Variants in MYO10 observed in about 807,000 individuals in gnomAD.
MYO10 encodes unconventional myosin-X.
A neutral mutation model predicts 257.3 loss-of-function variants in MYO10; 133 were observed. The ratio of observed to expected loss-of-function variants is 0.52; its 90% confidence interval spans 0.45 to 0.60. MYO10 has a LOEUF of 0.60. MYO10 is among the 20% of genes least tolerant of loss of function. The pLI is 0.00. For synonymous variants in MYO10, 1,104 were observed against 1,028.6 expected (o/e 1.07, Z -1.40); for missense variants, 2,399 against 2,635.7 (o/e 0.91, Z 1.97).
At chr5:16,856,531 CAG>C (rs1307838219) in intron 2 of MYO10, among the ~76,000 whole-genome samples, 4 of 150,120 alleles carry the variant, frequency 2.7e-5, no homozygotes, top group Non-Finnish European at 4.4e-5. Context: ...GCCTGGGTGA[CAG>C]AGTGAGACTG....
chr5:16,936,091 C>T lies in MYO10; in HGVS notation c.-283G>A, dbSNP rs1470259651. 2 of 456,966 alleles carry T rather than the reference C, an allele frequency of 4.4e-6. No individual in the cohort carries two copies. Among genetic ancestry groups the T allele is most frequent in the African/African-American group, 2.1e-5 (1 of 48,364 alleles). The allele number at this position is 456,966 out of a possible 1,614,324, so 28.3% of individuals were successfully genotyped here. ...CTCGCAAGCGGAGAACAGCTGGTGG[C>T]ACATTCTTCCCCCAGGCGGGGGAAG... On this transcript the variant is annotated 5_prime_UTR_variant, in exon 1 of 41. Transcript: ENST00000513610.
chr5:16,697,769 C>T (rs1220648714), intron 26 of MYO10, among the ~76,000 whole-genome samples: 1 of 144,988 alleles, frequency 6.9e-6, no homozygotes, highest in Admixed American at 6.8e-5. Flanking sequence ...AGAAAGACGG[C>T]AATAAAAAGG....
At chr5:16,852,050 CAAAAAAAAAAAAAA>C (rs70943811) in intron 2 of MYO10, among the ~76,000 whole-genome samples, 2 of 42,540 alleles carry the variant, frequency 4.7e-5, no homozygotes, top group Admixed American at 4.2e-4. Context: ...GACTCCATCT[CAAAAAAAAAAAAAA>C]AAAAAAAAAA....
chr5:16,702,071 G>A (rs1253115589), intron 24 of MYO10, among the ~76,000 whole-genome samples: 1 of 152,352 alleles, frequency 6.6e-6, no homozygotes, highest in East Asian at 1.9e-4. Flanking sequence ...CCCAATCCAA[G>A]ATGACTGGTG....
At chr5:16,827,693 G>A (rs1743043277) in intron 2 of MYO10, among the ~76,000 whole-genome samples, 1 of 152,168 alleles carries the variant, frequency 6.6e-6, no homozygotes, top group African/African-American at 2.4e-5. Flanking sequence ...AAACTAGTTT[G>A]TGAAATTAAG....
intron 19 of MYO10, among the ~76,000 whole-genome samples, chr5:16,741,545 A>T (rs1740018301): frequency 6.6e-6 from 1 of 152,216 alleles, no homozygotes; most frequent in Non-Finnish European, 1.5e-5. Flanking sequence ...ATAAAAGGTG[A>T]ATTCCATATG....
chr5:16,763,417 A>C, intron 14 of MYO10, 64 bp downstream of exon 14: 1 of 1,300,852 alleles, frequency 7.7e-7, no homozygotes, highest in Non-Finnish European at 1.1e-6. Flanking sequence ...TTTTGTTCCC[A>C]TAAATATGAA....
At chr5:16,791,339 T>C (rs1203586189) in intron 4 of MYO10, among the ~76,000 whole-genome samples, 1 of 151,780 alleles carries the variant, frequency 6.6e-6, no homozygotes, top group African/African-American at 2.4e-5. Context: ...AAAAAACTGC[T>C]GAAGAGAGCT....
chr5:16,730,147 T>G (rs1356847972), intron 19 of MYO10, among the ~76,000 whole-genome samples: 1 of 152,198 alleles, frequency 6.6e-6, no homozygotes, highest in African/African-American at 2.4e-5. Context: ...GTGATGGCTG[T>G]AGCTATGGCA....
chr5:16,691,609 G>C (rs1472553762), intron 27 of MYO10, among the ~76,000 whole-genome samples: 2 of 151,332 alleles, frequency 1.3e-5, no homozygotes, highest in Non-Finnish European at 2.9e-5. Flanking sequence ...TGAGGCAGGA[G>C]AATCACTTGA....
intron 37 of MYO10, 37 bp from the exon 38 acceptor site, chr5:16,671,579 C>T (rs376744315): frequency 2.1e-5 from 34 of 1,613,074 alleles, no homozygotes; most frequent in South Asian, 4.4e-5. Flanking sequence ...AGAATATGAA[C>T]GAGAAGGGCC....
At chr5:16,790,559 T>A (rs191827007) in intron 4 of MYO10, among the ~76,000 whole-genome samples, 373 of 152,022 alleles carry the variant, frequency 2.5e-3, no homozygotes, top group Non-Finnish European at 4.4e-3. Context: ...AATGGTTTTA[T>A]CAGGGGTTTC....
At chr5:16,730,933 A>C (rs1003826194) in intron 19 of MYO10, among the ~76,000 whole-genome samples, 2 of 152,144 alleles carry the variant, frequency 1.3e-5, no homozygotes, top group African/African-American at 4.8e-5. Context: ...CTGTCATGGG[A>C]AGGTTGAAAT....
intron 19 of MYO10, among the ~76,000 whole-genome samples, chr5:16,714,586 T>G (rs945788581): frequency 6.6e-6 from 1 of 152,016 alleles, no homozygotes; most frequent in South Asian, 2.1e-4. Context: ...AAAAATGTCA[T>G]GCAGCCAATA....
chr5:16,843,585 G>A (rs768433040), intron 2 of MYO10, among the ~76,000 whole-genome samples: 6 of 152,246 alleles, frequency 3.9e-5, no homozygotes, highest in Non-Finnish European at 8.8e-5. Context: ...TTCAAAATAT[G>A]TCTTATTTGT....
At chr5:16,753,558 C>G (rs1188268413) in intron 19 of MYO10, among the ~76,000 whole-genome samples, 1 of 150,076 alleles carries the variant, frequency 6.7e-6, no homozygotes, top group South Asian at 2.1e-4. Context: ...GCAACCTCCA[C>G]CTCCTGGGTT....
chr5:16,899,873 C>G (rs1387631879), intron 1 of MYO10, among the ~76,000 whole-genome samples: 1 of 151,898 alleles, frequency 6.6e-6, no homozygotes, highest in Non-Finnish European at 1.5e-5. Context: ...TGGTGGGTGC[C>G]TGTAATCCCA....
At chr5:16,783,263 CTCT>C in intron 5 of MYO10, 69 bp downstream of exon 5, 1 of 1,413,208 alleles carries the variant, frequency 7.1e-7, no homozygotes, top group Non-Finnish European at 9.4e-7. Context: ...CTAATTTTAA[CTCT>C]TCTTTAAATA....
At chr5:16,884,333 T>C (rs1430313663) in intron 1 of MYO10, among the ~76,000 whole-genome samples, 1 of 151,924 alleles carries the variant, frequency 6.6e-6, no homozygotes, top group African/African-American at 2.4e-5. Context: ...AAGTAAAGGG[T>C]ACTGTGAGCC....
Sources: allele counts gnomAD v4.1 joint callset (sites outside exome capture counted in the v4.1 genomes callset), GRCh38; gene constraint gnomAD v4.1.1; transcripts MANE v1.5; gene names NCBI Gene and HGNC (gene_info 2026-07-23, HGNC 2026-07-21).